Variants in CYP4X1 observed in about 807,000 individuals in gnomAD.
CYP4X1 encodes the protein cytochrome P450 family 4 subfamily X member 1.
In CYP4X1, 44 loss-of-function variants were observed where a neutral mutation model predicts 57.9. The observed-to-expected ratio is 0.76, with a 90% confidence interval of 0.60 to 0.98. The LOEUF is 0.98. Ranked by LOEUF, CYP4X1 falls within the 50% of genes least tolerant of loss-of-function variation. The probability of loss-of-function intolerance (pLI) is 0.00; values close to 1 mark genes in which losing one functional copy is unlikely to be tolerated. For missense variants in CYP4X1, 532 were observed against 623.9 expected, an observed-to-expected ratio of 0.85 and a Z score of 1.57; for synonymous variants, 227 against 228.6, an observed-to-expected ratio of 0.99 and a Z score of 0.06.
chr1:47,038,228 A>G (rs1055074505), intron 6 of CYP4X1, among the ~76,000 whole-genome samples: 1 of 152,218 alleles, frequency 6.6e-6, no homozygotes, highest in Non-Finnish European at 1.5e-5. Context: ...TTTTTTAAAT[A>G]GTAAATAAAT....
At chr1:47,052,163 T>A (rs552943845), downstream of CYP4X1, among the ~76,000 whole-genome samples, 351 of 152,284 alleles carry the variant, frequency 2.3e-3, 4 homozygotes, top group African/African-American at 8.1e-3. Context: ...TTTTTTCATA[T>A]CCAATTTTAC....
chr1:47,025,974 A>G (rs12030385), intron 1 of CYP4X1, among the ~76,000 whole-genome samples: 47,139 of 152,022 alleles, frequency 0.31, 8,105 homozygotes, highest in East Asian at 0.7. Flanking sequence ...TCAAAAATCA[A>G]TTGACCATAA....
chr1:47,055,028 T>C (rs982069389), downstream of CYP4X1, among the ~76,000 whole-genome samples: 1 of 152,198 alleles, frequency 6.6e-6, no homozygotes, highest in African/African-American at 2.4e-5. Context: ...CCAGTTTTTG[T>C]CCATTCTGTA....
At position 47,033,339 on chromosome 1, in the gene CYP4X1, G is replaced by A; in HGVS notation, c.463G>A (p.Val155Met). ...TAACATCCTGAAAGCATACATTGAG[G>A]TGATGGCTCATTCTGTGAAAATGAT... ...HFNILKAYIE[V>M]MAHSVKMMLD... The change falls in exon 4 of 12, where the codon GTG becomes ATG. Residue 155 changes from valine (V) to methionine (M), a missense_variant. Physicochemically the swap from Val to Met is conservative, Grantham distance 21. Coordinates refer to ENST00000371901, the MANE Select transcript of CYP4X1 (RefSeq NM_178033.2). The A allele has an allele frequency of 1.2e-6, 2 of 1,613,794 alleles. No individual in the cohort carries two copies. The highest frequency in any genetic ancestry group is 1.1e-5 in the South Asian group (1 of 91,054).
chr1:47,037,250 T>C (rs1644194143), intron 6 of CYP4X1, among the ~76,000 whole-genome samples: 1 of 151,392 alleles, frequency 6.6e-6, no homozygotes, highest in South Asian at 2.1e-4. Flanking sequence ...GTTAAATTTA[T>C]TCAAAACTTA....
chr1:46,995,082 C>A, the CYP4X1 span, among the ~76,000 whole-genome samples: 1 of 152,108 alleles, frequency 6.6e-6, no homozygotes, highest in Admixed American at 6.5e-5. Context: ...TCAGTCATCG[C>A]CCAAGGTGAT....
the CYP4X1 span, among the ~76,000 whole-genome samples, chr1:46,986,406 G>C: frequency 6.6e-6 from 1 of 152,222 alleles, no homozygotes; most frequent in East Asian, 1.9e-4. Context: ...ACCTATGTTT[G>C]ATTGGTGTAC....
At chr1:46,974,041 T>C in the CYP4X1 span, among the ~76,000 whole-genome samples, 3 of 152,128 alleles carry the variant, frequency 2.0e-5, no homozygotes, top group East Asian at 5.8e-4. Context: ...TTTAACTTTT[T>C]CATGTGAGTG....
At chr1:46,967,501 G>T in the CYP4X1 span, among the ~76,000 whole-genome samples, 2 of 152,108 alleles carry the variant, frequency 1.3e-5, no homozygotes, top group Non-Finnish European at 2.9e-5. Flanking sequence ...TAGAGCAGCA[G>T]ATACAGAGCC....
At chr1:46,976,120 G>C in the CYP4X1 span, among the ~76,000 whole-genome samples, 2 of 152,116 alleles carry the variant, frequency 1.3e-5, no homozygotes, top group African/African-American at 4.8e-5. Flanking sequence ...AGCCCATGGA[G>C]GGCAAGCCAA....
At chr1:46,986,074 G>A in the CYP4X1 span, among the ~76,000 whole-genome samples, 120 of 152,252 alleles carry the variant, frequency 7.9e-4, 1 homozygote, top group African/African-American at 2.2e-3. Context: ...AAACTCCTCC[G>A]AGCTAAAGGA....
upstream of CYP4X1, chr1:47,023,625 C>T: frequency 7.5e-7 from 1 of 1,327,594 alleles, no homozygotes; most frequent in Non-Finnish European, 9.6e-7. Flanking sequence ...AGAAATCCCG[C>T]ACGCGCGCCT....
chr1:47,009,365 G>T, the CYP4X1 span, among the ~76,000 whole-genome samples: 1 of 151,902 alleles, frequency 6.6e-6, no homozygotes, highest in African/African-American at 2.4e-5. Flanking sequence ...AAACCAACGA[G>T]ACCAAAGACA....
chr1:46,975,560 G>A, the CYP4X1 span, among the ~76,000 whole-genome samples: 2 of 152,080 alleles, frequency 1.3e-5, no homozygotes, highest in South Asian at 2.1e-4. Flanking sequence ...TTCCCTTGGA[G>A]GATGACCTGC....
At chr1:47,055,208 T>A (rs1644385965), downstream of CYP4X1, among the ~76,000 whole-genome samples, 1 of 152,244 alleles carries the variant, frequency 6.6e-6, no homozygotes, top group African/African-American at 2.4e-5. Context: ...TCTGTTTATA[T>A]GCTGGATTAT....
intron 1 of CYP4X1, among the ~76,000 whole-genome samples, chr1:47,028,157 T>C (rs1644089912): frequency 6.6e-6 from 1 of 152,192 alleles, no homozygotes; most frequent in African/African-American, 2.4e-5. Flanking sequence ...AGGATGTACA[T>C]ATGCAAGTGT....
intron 7 of CYP4X1, 113 bp downstream of exon 7, chr1:47,038,879 C>T (rs1323929855): frequency 2.7e-6 from 2 of 751,342 alleles, no homozygotes; most frequent in African/African-American, 1.8e-5. Context: ...CTAAATTTAA[C>T]TGTACTTTGA....
chr1:46,997,956 T>C, the CYP4X1 span, among the ~76,000 whole-genome samples: 17 of 152,192 alleles, frequency 1.1e-4, no homozygotes, highest in African/African-American at 3.9e-4. Flanking sequence ...ATTATTGATG[T>C]TGAGCATTTT....
chr1:47,047,981 G>A (rs1403795030), intron 9 of CYP4X1, among the ~76,000 whole-genome samples: 4 of 151,958 alleles, frequency 2.6e-5, no homozygotes, highest in African/African-American at 7.3e-5. Flanking sequence ...AGTGGCTGAC[G>A]CATATAATCC....
Sources: allele counts gnomAD v4.1 joint callset (sites outside exome capture counted in the v4.1 genomes callset), GRCh38; gene constraint gnomAD v4.1.1; transcripts MANE v1.5; gene names NCBI Gene and HGNC (gene_info 2026-07-23, HGNC 2026-07-21).